Variants in TCF4 observed in about 807,000 individuals in gnomAD.
The protein encoded by TCF4 is SL3-3 enhancer factor 2.
Under a neutral mutation model 82.1 loss-of-function variants are expected in TCF4, and 3 were observed. That is an observed-to-expected ratio of 0.04 (90% CI 0.02 to 0.09). The LOEUF (loss-of-function observed/expected upper bound fraction) is 0.09. Among genes scored for constraint, TCF4 ranks in the 10% least tolerant of loss-of-function variants. The pLI, the probability that TCF4 is intolerant of heterozygous loss-of-function variation, is 1.00. For missense variants in TCF4, 518 were observed against 852.7 expected (o/e 0.61, Z 4.89); for synonymous variants, 276 against 309.6 (o/e 0.89, Z 1.14).
intron 15 of TCF4, among the ~76,000 whole-genome samples, chr18:55,249,099 C>T (rs2054226028): frequency 6.6e-6 from 1 of 151,958 alleles, no homozygotes; most frequent in African/African-American, 2.4e-5. Flanking sequence ...GGTCACTTCC[C>T]CTTCCTAGGC....
chr18:55,502,028 T>C (rs2096707694), intron 3 of TCF4, among the ~76,000 whole-genome samples: 1 of 152,226 alleles, frequency 6.6e-6, no homozygotes, highest in African/African-American at 2.4e-5. Flanking sequence ...AAATTAATTG[T>C]TTCTCTCAGC....
chr18:55,400,024 G>A (rs1459909786), intron 6 of TCF4, among the ~76,000 whole-genome samples: 2 of 151,822 alleles, frequency 1.3e-5, no homozygotes, highest in African/African-American at 2.4e-5. Context: ...CATTTAAGGG[G>A]AGAAGTAATA....
intron 9 of TCF4, among the ~76,000 whole-genome samples, chr18:55,277,876 C>T (rs1267758554): frequency 6.6e-6 from 1 of 152,154 alleles, no homozygotes; most frequent in African/African-American, 2.4e-5. Flanking sequence ...CCACTGCTCA[C>T]AAAACAGGGG....
At chr18:55,292,116 C>T (rs2065234296) in intron 8 of TCF4, among the ~76,000 whole-genome samples, 1 of 152,124 alleles carries the variant, frequency 6.6e-6, no homozygotes, top group Non-Finnish European at 1.5e-5. Context: ...AGTTGGCTTT[C>T]TCTAAATATT....
At chr18:55,310,109 T>C (rs1192013128) in intron 8 of TCF4, among the ~76,000 whole-genome samples, 1 of 152,206 alleles carries the variant, frequency 6.6e-6, no homozygotes, top group Admixed American at 6.5e-5. Context: ...GGCAAACTTA[T>C]AGATGGTTAC....
chr18:55,251,804 C>T (rs2055210391), intron 15 of TCF4, among the ~76,000 whole-genome samples: 1 of 152,142 alleles, frequency 6.6e-6, no homozygotes, highest in Non-Finnish European at 1.5e-5. Context: ...ATACCTCCCA[C>T]GGCTACTTTA....
chr18:55,235,148 T>C (rs949458814), intron 15 of TCF4, among the ~76,000 whole-genome samples: 12 of 152,192 alleles, frequency 7.9e-5, no homozygotes, highest in African/African-American at 2.9e-4. Context: ...CATTTTTTTT[T>C]TTCCATAATG....
chr18:55,589,705 T>C, upstream of TCF4: 1 of 1,030,954 alleles, frequency 9.7e-7, no homozygotes, highest in Non-Finnish European at 1.2e-6. Context: ...CTCCTCCTCA[T>C]CATCATCACC....
chr18:55,428,250 C>T (rs2095062938), intron 5 of TCF4, among the ~76,000 whole-genome samples: 1 of 152,210 alleles, frequency 6.6e-6, no homozygotes, highest in Non-Finnish European at 1.5e-5. Context: ...TATAACATCA[C>T]ATTTCCCTTC....
At chr18:55,504,874 G>C (rs2958158) in intron 3 of TCF4, among the ~76,000 whole-genome samples, 107,258 of 151,972 alleles carry the variant, frequency 0.71, 39,270 homozygotes, top group East Asian at 0.99. Context: ...AATGTTCCAA[G>C]CCTCCCCCAA....
intron 6 of TCF4, among the ~76,000 whole-genome samples, chr18:55,390,286 T>TAAAAAA (rs56965997): frequency 4.9e-5 from 4 of 82,218 alleles, no homozygotes; most frequent in Admixed American, 2.9e-4. Context: ...CCCTGACTCT[T>TAAAAAA]AAAAAAAAAA....
chr18:55,227,214 G>A lies in TCF4; in HGVS notation c.*821C>T, dbSNP rs1364902175. On this transcript the variant is annotated 3_prime_UTR_variant, in exon 20 of 20. Coordinates refer to ENST00000354452, the MANE Select transcript of TCF4 (RefSeq NM_001083962.2). ...AAGCAGAGTTGGCACTACAGGTTAC[G>A]ATAACAAACCAGGGAAAGGGACAGA... 6 of 146,134 alleles carry A rather than the reference G, an allele frequency of 4.1e-5. No homozygotes were observed. Among genetic ancestry groups the A allele is most frequent in the Admixed American group, 2.7e-4 (4 of 14,580 alleles). The allele number at this position is 146,134 out of a possible 1,614,324, so 9.1% of individuals were successfully genotyped here.
At chr18:55,273,962 T>C (rs1336848115) in intron 10 of TCF4, among the ~76,000 whole-genome samples, 3 of 152,112 alleles carry the variant, frequency 2.0e-5, no homozygotes, top group Admixed American at 1.3e-4. Flanking sequence ...TTGAGCATGA[T>C]AGGAGAAGAA....
At chr18:55,489,882 C>T (rs1301016946) in intron 3 of TCF4, among the ~76,000 whole-genome samples, 1 of 152,162 alleles carries the variant, frequency 6.6e-6, no homozygotes, top group Admixed American at 6.5e-5. Context: ...AATCCCGGCT[C>T]GGTGATGAAA....
At chr18:55,431,988 T>G (rs921829050) in intron 5 of TCF4, among the ~76,000 whole-genome samples, 1 of 151,992 alleles carries the variant, frequency 6.6e-6, no homozygotes, top group African/African-American at 2.4e-5. Context: ...AATGGGAAAT[T>G]TAGGTTTTCA....
At chr18:55,470,675 C>T (rs1469748361) in intron 3 of TCF4, among the ~76,000 whole-genome samples, 1 of 152,130 alleles carries the variant, frequency 6.6e-6, no homozygotes, top group Admixed American at 6.5e-5. Context: ...CCTTTCTATA[C>T]TCTGAGCCTA....
intron 8 of TCF4, among the ~76,000 whole-genome samples, chr18:55,293,941 T>TTTTTTTTG (rs2065784799): frequency 9.9e-6 from 1 of 100,732 alleles, no homozygotes; most frequent in Non-Finnish European, 1.8e-5. Context: ...CTTTTTTTTT[T>TTTTTTTTG]TTTTTTTTTT....
intron 5 of TCF4, among the ~76,000 whole-genome samples, chr18:55,450,006 G>A (rs2095594853): frequency 6.6e-6 from 1 of 152,162 alleles, no homozygotes; most frequent in African/African-American, 2.4e-5. Context: ...ATAATAATTT[G>A]CATTAACTGA....
intron 3 of TCF4, among the ~76,000 whole-genome samples, chr18:55,523,516 A>C (rs2096951251): frequency 6.6e-6 from 1 of 152,078 alleles, no homozygotes; most frequent in African/African-American, 2.4e-5. Context: ...TACATATTTT[A>C]AATTGTATGT....
Sources: allele counts gnomAD v4.1 joint callset (sites outside exome capture counted in the v4.1 genomes callset), GRCh38; gene constraint gnomAD v4.1.1; transcripts MANE v1.5; gene names NCBI Gene and HGNC (gene_info 2026-07-23, HGNC 2026-07-21).